KCNIP4: variants seen among roughly 807,000 people sequenced by gnomAD.
The protein encoded by KCNIP4 is Kv channel-interacting protein 4.
A neutral mutation model predicts 34.0 loss-of-function variants in KCNIP4; 12 were observed. The observed-to-expected ratio is 0.35, with a 90% CI of 0.23 to 0.57. The LOEUF is 0.57. Ranked by LOEUF, KCNIP4 falls within the 20% of genes least tolerant of loss-of-function variation. The pLI, the probability that KCNIP4 is intolerant of heterozygous loss-of-function variation, is 0.83. For synonymous variants in KCNIP4, 124 were observed against 102.2 expected (o/e 1.21, Z -1.29); for missense variants, 238 against 311.7 (o/e 0.76, Z 1.78).
At chr4:21,281,146 GC>G (rs1762752102) in intron 1 of KCNIP4, among the ~76,000 whole-genome samples, 1 of 149,636 alleles carries the variant, frequency 6.7e-6, no homozygotes, top group South Asian at 2.1e-4. Context: ...GAGTGCAGTG[GC>G]GCGATCTTGG....
chr4:21,125,737 C>G (rs1750561340), intron 1 of KCNIP4, among the ~76,000 whole-genome samples: 2 of 152,128 alleles, frequency 1.3e-5, no homozygotes, highest in African/African-American at 4.8e-5. Context: ...AACAACCATA[C>G]TACCAGGCCT....
intron 1 of KCNIP4, among the ~76,000 whole-genome samples, chr4:21,155,149 G>A (rs1753052176): frequency 6.6e-6 from 1 of 152,196 alleles, no homozygotes; most frequent in South Asian, 2.1e-4. Flanking sequence ...AGATTAGAGA[G>A]TGCCTCATGA....
intron 5 of KCNIP4, among the ~76,000 whole-genome samples, chr4:20,740,447 A>G (rs1379439320): frequency 6.6e-6 from 1 of 152,126 alleles, no homozygotes; most frequent in African/African-American, 2.4e-5. Context: ...AGAATTTTCA[A>G]CCCAGAATTT....
intron 1 of KCNIP4, chr4:21,303,685 C>T: frequency 1.4e-6 from 1 of 691,658 alleles, no homozygotes; most frequent in Non-Finnish European, 2.3e-6. Flanking sequence ...ACCTGGCTTC[C>T]TTCATGTCCA....
intron 1 of KCNIP4, among the ~76,000 whole-genome samples, chr4:20,985,775 T>C (rs776167738): frequency 1.3e-5 from 2 of 152,130 alleles, no homozygotes; most frequent in African/African-American, 2.4e-5. Flanking sequence ...TCAACTCTAA[T>C]TGGGAAAGGG....
intron 1 of KCNIP4, among the ~76,000 whole-genome samples, chr4:21,237,795 G>C (rs1759480201): frequency 6.6e-6 from 1 of 152,164 alleles, no homozygotes; most frequent in Admixed American, 6.5e-5. Context: ...AATTCTACCA[G>C]AGGTACAAGG....
At chr4:21,175,381 A>G (rs1754330694) in intron 1 of KCNIP4, among the ~76,000 whole-genome samples, 1 of 152,108 alleles carries the variant, frequency 6.6e-6, no homozygotes, top group Non-Finnish European at 1.5e-5. Context: ...CATTTCAGTA[A>G]ATGCCTGAAA....
At chr4:21,578,309 G>C (rs552580304) in intron 1 of KCNIP4, among the ~76,000 whole-genome samples, 2 of 128,846 alleles carry the variant, frequency 1.6e-5, no homozygotes, top group Non-Finnish European at 3.1e-5. Flanking sequence ...CTCCAACCTG[G>C]GTGACAGAGC....
chr4:21,932,670 G>T (rs1319130923), intron 1 of KCNIP4, among the ~76,000 whole-genome samples: 1 of 151,980 alleles, frequency 6.6e-6, no homozygotes, highest in Non-Finnish European at 1.5e-5. Flanking sequence ...AACTGAGCAT[G>T]CCTTAATTTA....
In KCNIP4 at chr4:21,261,148, C is replaced by A. The variant is rs77400796; in HGVS notation, c.62-378439G>T. On this transcript the variant is annotated intron_variant, in intron 1 of 8. Transcript: ENST00000382152. ...GAGGCTATTCTATTTCCATAGAAGG[C>A]TTGATTATAAAATCACACAGTATAG... Among the ~76,000 whole-genome samples the A allele has an allele frequency of 7.0e-3, 1,061 of 152,190 alleles. 47 individuals are homozygous for A. The East Asian group carries it at 0.15, about 21-fold the overall frequency.
chr4:21,176,170 T>C (rs2109309358), intron 1 of KCNIP4, among the ~76,000 whole-genome samples: 1 of 152,370 alleles, frequency 6.6e-6, no homozygotes, highest in Admixed American at 6.5e-5. Context: ...AGTTGGGCTT[T>C]AAGACCAAGA....
intron 1 of KCNIP4, among the ~76,000 whole-genome samples, chr4:20,986,193 C>T (rs979012284): frequency 2.0e-5 from 3 of 152,094 alleles, no homozygotes; most frequent in Non-Finnish European, 2.9e-5. Context: ...CTAGTTTCAG[C>T]GTTTTTCCCA....
chr4:21,018,767 C>T (rs1196519049), intron 1 of KCNIP4, among the ~76,000 whole-genome samples: 3 of 152,050 alleles, frequency 2.0e-5, no homozygotes, highest in East Asian at 1.9e-4. Context: ...GTATATATAG[C>T]GCTGACATGC....
intron 1 of KCNIP4, among the ~76,000 whole-genome samples, chr4:21,854,428 T>C (rs541730774): frequency 1.1e-4 from 17 of 152,334 alleles, no homozygotes; most frequent in South Asian, 2.1e-4. Context: ...TACTTTTTTT[T>C]CCATCAATGT....
intron 1 of KCNIP4, among the ~76,000 whole-genome samples, chr4:21,141,829 T>C (rs577849551): frequency 6.6e-6 from 1 of 151,876 alleles, no homozygotes; most frequent in South Asian, 2.1e-4. Flanking sequence ...TGAGTTTGTA[T>C]ATAGTTTCAG....
intron 1 of KCNIP4, among the ~76,000 whole-genome samples, chr4:21,921,731 T>C (rs114361588): frequency 1.1e-3 from 165 of 152,290 alleles, no homozygotes; most frequent in African/African-American, 3.5e-3. Flanking sequence ...TCTAATTCCA[T>C]TGACATTCCA....
At chr4:21,733,197 T>C (rs925672836) in intron 1 of KCNIP4, among the ~76,000 whole-genome samples, 1 of 152,192 alleles carries the variant, frequency 6.6e-6, no homozygotes, top group African/African-American at 2.4e-5. Flanking sequence ...CAGTACCCTG[T>C]TGTAATTAAT....
intron 1 of KCNIP4, among the ~76,000 whole-genome samples, chr4:21,308,473 G>A (rs1712738374): frequency 6.6e-6 from 1 of 152,158 alleles, no homozygotes; most frequent in Admixed American, 6.5e-5. Context: ...TGAAGGACTA[G>A]TCAATTTCCC....
At chr4:21,624,545 C>T (rs73254386) in intron 1 of KCNIP4, among the ~76,000 whole-genome samples, 4,447 of 152,134 alleles carry the variant, frequency 0.029, 72 homozygotes, top group South Asian at 0.071. Flanking sequence ...GTTGTCAGTT[C>T]AAAGTAGATC....
Sources: gnomAD v4.1 joint callset for allele counts (sites outside exome capture counted in the v4.1 genomes callset) on GRCh38, gnomAD v4.1.1 for gene constraint, MANE v1.5 for transcripts, NCBI Gene and HGNC (gene_info 2026-07-23, HGNC 2026-07-21) for gene names.